PMS1: variants seen among roughly 807,000 people sequenced by gnomAD.
The protein encoded by PMS1 is PMS1 protein homolog 1.
Under a neutral mutation model 93.1 loss-of-function variants are expected in PMS1, and 79 were observed. That is an observed-to-expected ratio of 0.85 (90% CI 0.71 to 1.02). PMS1 has a LOEUF of 1.02. Ranked by LOEUF, PMS1 falls within the 50% of genes least tolerant of loss-of-function variation. The probability of loss-of-function intolerance (pLI) is 0.00; values close to 1 mark genes in which losing one functional copy is unlikely to be tolerated. For synonymous variants in PMS1, 335 were observed against 363.4 expected (o/e 0.92, Z 0.89); for missense variants, 1,064 against 1,085.3 (o/e 0.98, Z 0.28).
intron 6 of PMS1, 83 bp downstream of exon 6, chr2:189,844,163 C>T (rs1377281405): frequency 2.5e-6 from 4 of 1,598,848 alleles, no homozygotes; most frequent in South Asian, 1.1e-5. Context: ...GTTACAGTGG[C>T]AAGAGGTTAG....
At chr2:189,830,434 C>T (rs1375148932) in intron 5 of PMS1, among the ~76,000 whole-genome samples, 1 of 152,172 alleles carries the variant, frequency 6.6e-6, no homozygotes, top group Non-Finnish European at 1.5e-5. Context: ...TTCACTTAAA[C>T]TTTCTCCGTG....
intron 5 of PMS1, among the ~76,000 whole-genome samples, chr2:189,829,429 T>G (rs1310813447): frequency 2.0e-5 from 3 of 152,202 alleles, no homozygotes; most frequent in Non-Finnish European, 4.4e-5. Flanking sequence ...TTGTTCCTAC[T>G]GCTTTTTAAC....
intron 6 of PMS1, among the ~76,000 whole-genome samples, chr2:189,847,958 T>A (rs1450752920): frequency 6.6e-6 from 1 of 152,190 alleles, no homozygotes; most frequent in Non-Finnish European, 1.5e-5. Context: ...TGCTTGGGAT[T>A]TTCTTGGCCG....
intron 5 of PMS1, among the ~76,000 whole-genome samples, chr2:189,827,838 T>TGGGGA (rs1286798378): frequency 6.6e-6 from 1 of 151,834 alleles, no homozygotes; most frequent in Non-Finnish European, 1.5e-5. Context: ...TACCAGAAGC[T>TGGGGA]GGGGAGGGGA....
intron 1 of PMS1, among the ~76,000 whole-genome samples, chr2:189,786,577 A>G (rs1279685204): frequency 6.6e-6 from 1 of 152,182 alleles, no homozygotes; most frequent in Admixed American, 6.5e-5. Flanking sequence ...AAACATGCCA[A>G]GGTGTGCATC....
At chr2:189,810,980 CAAA>C (rs67298187) in intron 4 of PMS1, among the ~76,000 whole-genome samples, 3 of 94,614 alleles carry the variant, frequency 3.2e-5, no homozygotes, top group African/African-American at 9.7e-5. Flanking sequence ...AATTAACAGA[CAAA>C]AAAAAAAAAA....
At chr2:189,806,228 T>G (rs1024374304) in intron 4 of PMS1, 3 of 264,106 alleles carry the variant, frequency 1.1e-5, no homozygotes, top group Admixed American at 5.0e-5. Flanking sequence ...TTTCAATAAT[T>G]TATCAATTCA....
At chr2:189,801,484 A>T (rs1004093080) in intron 3 of PMS1, among the ~76,000 whole-genome samples, 2 of 152,244 alleles carry the variant, frequency 1.3e-5, no homozygotes, top group African/African-American at 4.8e-5. Context: ...ACATAATAAA[A>T]AACACAAAAT....
At chr2:189,847,426 C>T (rs534435751) in intron 6 of PMS1, among the ~76,000 whole-genome samples, 28 of 151,928 alleles carry the variant, frequency 1.8e-4, no homozygotes, top group African/African-American at 6.8e-4. Context: ...TAATTTTTTC[C>T]ATAAGTTTTG....
At position 189,795,966 on chromosome 2, in the gene PMS1, T is replaced by C. The variant is rs548712150; in HGVS notation, c.315+15T>C. On this transcript the variant is annotated intron_variant, in intron 3 of 12. Transcript: ENST00000441310. ...GTATAGCTGAGGTAAGGTAATTATA[T>C]TGGTTATTTTAGTGATTTCATATTC... 1 of 1,545,548 alleles carries C rather than the reference T, an allele frequency of 6.5e-7. No homozygotes were observed.
At chr2:189,875,147 G>C (rs2057453716) in intron 12 of PMS1, among the ~76,000 whole-genome samples, 1 of 151,274 alleles carries the variant, frequency 6.6e-6, no homozygotes, top group South Asian at 2.1e-4. Context: ...TAAAAGTCAA[G>C]GAAGGAAGTA....
At chr2:189,828,279 C>G (rs554101648) in intron 5 of PMS1, among the ~76,000 whole-genome samples, 7 of 152,228 alleles carry the variant, frequency 4.6e-5, no homozygotes, top group African/African-American at 1.4e-4. Context: ...TAGCAAATAA[C>G]AGTGTATTGT....
chr2:189,793,893 G>A (rs564596302), intron 2 of PMS1, among the ~76,000 whole-genome samples: 40 of 152,168 alleles, frequency 2.6e-4, no homozygotes, highest in African/African-American at 8.9e-4. Flanking sequence ...TTAATTAAAC[G>A]TGATGGTACT....
intron 2 of PMS1, among the ~76,000 whole-genome samples, chr2:189,794,320 G>A (rs1211976295): frequency 2.6e-5 from 4 of 152,100 alleles, no homozygotes; most frequent in Non-Finnish European, 5.9e-5. Flanking sequence ...TCACCATGTT[G>A]ACCAGGCTGG....
chr2:189,854,257 C>T lies in PMS1; in HGVS notation c.985C>T (p.Leu329Phe), dbSNP rs770544182. The T allele has an allele frequency of 1.9e-6, 3 of 1,592,772 alleles. No homozygotes were observed. The highest frequency in any genetic ancestry group is 2.7e-5 in the African/African-American group (2 of 74,310). ...TTTTTAGGAATCTGTTTTAATTGCT[C>T]TTGAAAATCTGATGACGACTTGTTA... is the stretch of plus-strand genomic sequence containing the variant. ...LQNKESVLIA[L>F]ENLMTTCYGP... Residue 329 changes from leucine to phenylalanine, a missense_variant, in exon 9 of 13, where the codon CTT becomes TTT. By Grantham distance (22) the Leu-to-Phe change is conservative. Transcript: ENST00000441310.
At chr2:189,876,977 A>C (rs2057627929) in intron 12 of PMS1, among the ~76,000 whole-genome samples, 1 of 150,238 alleles carries the variant, frequency 6.7e-6, no homozygotes, top group Admixed American at 6.6e-5. Flanking sequence ...CTCTACAATC[A>C]CTCTATCATG....
rs1331946848 is a variant in PMS1 at position 189,819,059 on chromosome 2, C to T, written c.582+879C>T. Among the ~76,000 whole-genome samples, 6 of 152,218 alleles carry T rather than the reference C, an allele frequency of 3.9e-5. No homozygotes were observed. In the East Asian group the frequency reaches 9.6e-4, roughly 24 times the overall value. On this transcript the variant is annotated intron_variant, in intron 5 of 12. Transcript: ENST00000441310. Reference sequence around the variant, plus strand: ...CATCATCCACCCTCCTCCCTCTCTACCTTTGTGAGTCTCCATTGTCTATCA... The same window carrying T: ...CATCATCCACCCTCCTCCCTCTCTATCTTTGTGAGTCTCCATTGTCTATCA...
chr2:189,833,124 C>T (rs1472162419), intron 5 of PMS1, among the ~76,000 whole-genome samples: 10 of 152,138 alleles, frequency 6.6e-5, no homozygotes, highest in Admixed American at 3.9e-4. Context: ...TCTTTTTCTT[C>T]TTCCTTTTCT....
At chr2:189,799,316 A>T (rs530425059) in intron 3 of PMS1, among the ~76,000 whole-genome samples, 1 of 152,264 alleles carries the variant, frequency 6.6e-6, no homozygotes, top group African/African-American at 2.4e-5. Flanking sequence ...AAAACCACAT[A>T]TAGATGTGTG....
Sources: allele counts gnomAD v4.1 joint callset (sites outside exome capture counted in the v4.1 genomes callset), GRCh38; gene constraint gnomAD v4.1.1; transcripts MANE v1.5; gene names NCBI Gene and HGNC (gene_info 2026-07-23, HGNC 2026-07-21).